Variants in PYGM observed in about 807,000 individuals in gnomAD.
PYGM encodes the protein glycogen phosphorylase, muscle associated.
PYGM carries 81 observed loss-of-function variants against 99.3 expected under a neutral mutation model. The observed-to-expected ratio is 0.82, with a 90% CI of 0.68 to 0.98. The LOEUF (loss-of-function observed/expected upper bound fraction) is 0.98. Ranked by LOEUF, PYGM falls within the 50% of genes least tolerant of loss-of-function variation. The pLI is 0.00. For missense variants in PYGM, 1,030 were observed against 1,158.1 expected, an observed-to-expected ratio of 0.89 and a Z score of 1.61; for synonymous variants, 436 against 451.5, an observed-to-expected ratio of 0.97 and a Z score of 0.44.
In PYGM at chr11:64,759,843, A is replaced by G. The variant is rs1196742852; in HGVS notation, c.56T>C (p.Leu19Pro). Residue 19 changes from leucine (L) to proline (P), a missense_variant, in exon 1 of 20, where the codon CTG becomes CCG. Coordinates refer to ENST00000164139, the MANE Select transcript of PYGM (RefSeq NM_005609.4). ...CTCAGTCACGTTCTCCACGCCGGCC[A>G]GGCCACGCACACTGATTTGCTTTCT... ...EKRKQISVRG[L>P]AGVENVTELK... 6.2e-7 allele frequency: 1 copy of G among 1,614,204 alleles called. No homozygotes were observed. Among genetic ancestry groups the G allele is most frequent in the Admixed American group, 1.7e-5 (1 of 60,028 alleles).
At position 64,754,839 on chromosome 11, in the gene PYGM, G is replaced by A. The variant is rs752603909; in HGVS notation, c.856-3C>T. On this transcript the variant is annotated splice_polypyrimidine_tract_variant and splice_region_variant and intron_variant, in intron 7 of 19. Coordinates refer to ENST00000164139, the MANE Select transcript of PYGM (RefSeq NM_005609.4). The surrounding 1 kb of genome is among the most constrained non-coding windows in gnomAD (Gnocchi z 5.5). ...CGCAGCTCCTTCCCTTCGAAGAACTGGGGACAGCATGAGGCAGCGTGAGTC... is the reference window on the plus strand; with the variant it reads ...CGCAGCTCCTTCCCTTCGAAGAACTAGGGACAGCATGAGGCAGCGTGAGTC... 1 of 1,613,662 alleles carries A rather than the reference G, an allele frequency of 6.2e-7. No homozygotes were observed. Among genetic ancestry groups the A allele is most frequent in the Non-Finnish European group, 8.5e-7 (1 of 1,179,966 alleles).
intron 19 of PYGM, 28 bp from the exon 20 acceptor site, chr11:64,746,836 ACT>A: frequency 3.1e-6 from 5 of 1,614,004 alleles, no homozygotes; most frequent in Non-Finnish European, 4.2e-6. Flanking sequence ...GCTCTGGTTC[ACT>A]CTGCTGGCAG....
intron 11 of PYGM, 23 bp downstream of exon 11, chr11:64,753,496 G>T: frequency 1.3e-6 from 2 of 1,567,558 alleles, no homozygotes; most frequent in South Asian, 2.3e-5. Context: ...AGAGAGGGGC[G>T]GGATCTGGAA....
chr11:64,758,384 C>A (rs770047839), intron 3 of PYGM, 35 bp from the exon 4 acceptor site: 1 of 1,613,120 alleles, frequency 6.2e-7, no homozygotes, highest in Non-Finnish European at 8.5e-7. Flanking sequence ...GTCAGGGACC[C>A]AGCAAGGAGG....
At chr11:64,749,921 C>T (rs1002986961) in intron 17 of PYGM, among the ~76,000 whole-genome samples, 4 of 151,402 alleles carry the variant, frequency 2.6e-5, no homozygotes, top group East Asian at 2.0e-4. Context: ...GCCTCCCGAT[C>T]AGCTGGGACT....
chr11:64,758,992 A>G (rs1831441711), intron 1 of PYGM, among the ~76,000 whole-genome samples: 1 of 1,664 alleles, frequency 6.0e-4, no homozygotes, highest in African/African-American at 1.2e-3. Flanking sequence ...GAGAATGGGC[A>G]CCCCTTCCCC....
At position 64,746,527 on chromosome 11, in the gene PYGM, G is replaced by T; in HGVS notation, c.*132C>A. The T allele has an allele frequency of 7.8e-7, 1 of 1,281,440 alleles. No individual in the cohort carries two copies. Among genetic ancestry groups the T allele is most frequent in the Non-Finnish European group, 1.1e-6 (1 of 901,800 alleles). The allele number at this position is 1,281,440 out of a possible 1,614,324, so 79.4% of individuals were successfully genotyped here. On this transcript the variant is annotated 3_prime_UTR_variant, in exon 20 of 20. Coordinates refer to ENST00000164139, the MANE Select transcript of PYGM (RefSeq NM_005609.4). ...CACGCTGGACACTGGGACATTGAGA[G>T]TGGGGAAAATGAGGGTTCCAGGAGG...
At chr11:64,752,880 C>T (rs887004691) in intron 12 of PYGM, among the ~76,000 whole-genome samples, 193 bp downstream of exon 12, 6 of 152,194 alleles carry the variant, frequency 3.9e-5, no homozygotes, top group African/African-American at 9.7e-5. Context: ...CCTCCATTAG[C>T]ACACAGAGCA....
At chr11:64,750,704 C>A in intron 16 of PYGM, 121 bp from the exon 17 acceptor site, 1 of 857,182 alleles carries the variant, frequency 1.2e-6, no homozygotes, top group Non-Finnish European at 1.8e-6. Flanking sequence ...CCCAAACTCC[C>A]AGTCTTCACC....
At position 64,755,616 on chromosome 11, in the gene PYGM, C is replaced by T. The variant is rs2058389720; in HGVS notation, c.661-58G>A. On this transcript the variant is annotated intron_variant, in intron 5 of 19. Transcript: ENST00000164139. This position sits in a 1 kb window ranked among gnomAD's most constrained non-coding sequence, Gnocchi z 4.1. ...GCCCTGGCAATTGCCTCCCTCCCCT[C>T]AGGGCTGGGACTCAAGGCTTTATCC... 1.5e-6 allele frequency: 2 copies of T among 1,358,154 alleles called. No individual in the cohort carries two copies. Among genetic ancestry groups the T allele is most frequent in the Non-Finnish European group, 2.1e-6 (2 of 955,208 alleles). The allele number at this position is 1,358,154 out of a possible 1,614,324, so 84.1% of individuals were successfully genotyped here. A position where few individuals can be genotyped will look rare whatever the true frequency, so the allele number is the denominator to read the frequency against.
chr11:64,751,392 G>A lies in PYGM; in HGVS notation c.1902C>T (p.Asp634=), dbSNP rs776043985. Residue 634 remains aspartate, a synonymous_variant, in exon 16 of 20, where the codon GAC becomes GAT. Coordinates refer to ENST00000164139, the MANE Select transcript of PYGM (RefSeq NM_005609.4). The part of the protein sequence containing the change: ...VTAIGDVVNH[D]PAVGDRLRVI... ...CACGGAGGCGGTCACCCACTGCCGGGTCATGGTTGACCACATCCCCGATGG... is the reference window on the plus strand; with the variant it reads ...CACGGAGGCGGTCACCCACTGCCGGATCATGGTTGACCACATCCCCGATGG... The A allele has an allele frequency of 1.9e-6, 3 of 1,614,160 alleles. No homozygotes were observed. Among genetic ancestry groups the A allele is most frequent in the Non-Finnish European group, 1.7e-6 (2 of 1,180,032 alleles).
At chr11:64,751,031 A>C in intron 16 of PYGM, 1 of 424,410 alleles carries the variant, frequency 2.4e-6, no homozygotes, top group Non-Finnish European at 4.4e-6. Flanking sequence ...AGCTGGGATT[A>C]TAGGCACCTG....
At position 64,755,197 on chromosome 11, in the gene PYGM, T is replaced by G. The variant is rs1189739826; in HGVS notation, c.855+76A>C. ...TGGGTGTGACTAGGGCACCAGCAAG[T>G]GTCCTTCCCCAGCTCTCCCTGACCC... On this transcript the variant is annotated intron_variant, in intron 7 of 19. Coordinates refer to ENST00000164139, the MANE Select transcript of PYGM (RefSeq NM_005609.4). This position sits in a 1 kb window ranked among gnomAD's most constrained non-coding sequence, Gnocchi z 4.1. The G allele has an allele frequency of 2.2e-5, 33 of 1,489,862 alleles. No individual in the cohort carries two copies. The highest frequency in any genetic ancestry group is 3.9e-4 in the Middle Eastern group (2 of 5,156). The allele number at this position is 1,489,862 out of a possible 1,614,324, so 92.3% of individuals were successfully genotyped here. A position where few individuals can be genotyped will look rare whatever the true frequency, so the allele number is the denominator to read the frequency against.
chr11:64,755,631 A>G lies in PYGM; in HGVS notation c.661-73T>C. 8.3e-7 allele frequency: 1 copy of G among 1,197,610 alleles called. No individual in the cohort carries two copies. Among genetic ancestry groups the G allele is most frequent in the East Asian group, 2.4e-5 (1 of 40,936 alleles). 74.2% of individuals were successfully genotyped at this position (1,197,610 alleles called of 1,614,324 possible). ...TCCCTCCCCTCAGGGCTGGGACTCA[A>G]GGCTTTATCCCTGCACTCTGCAGAC... On this transcript the variant is annotated intron_variant, in intron 5 of 19. Coordinates refer to ENST00000164139, the MANE Select transcript of PYGM (RefSeq NM_005609.4). The surrounding 1 kb of genome is among the most constrained non-coding windows in gnomAD (Gnocchi z 4.1).
Position 64,753,637 on chromosome 11 carries a change from T to G in PYGM, c.1285A>C (p.Met429Leu). 1 of 1,608,944 alleles carries G rather than the reference T, an allele frequency of 6.2e-7. No homozygotes were observed. The highest frequency in any genetic ancestry group is 1.1e-5 in the South Asian group (1 of 90,696). The change falls in exon 11 of 20, where the codon ATG becomes CTG. Residue 429 changes from methionine to leucine, a missense_variant. Met to Leu is a conservative substitution (Grantham distance 15). Coordinates refer to ENST00000164139, the MANE Select transcript of PYGM (RefSeq NM_005609.4). ...ACTGCGCCCTCCTCCACCAGCGACA[T>G]GCGCCGCAGCCGGTCTACGTCCCCT... The part of the protein sequence containing the change: ...FPGDVDRLRR[M>L]SLVEEGAVKR...
Position 64,746,782 on chromosome 11 carries a change from C to G in PYGM, c.2406G>C (p.Val802=), listed in dbSNP as rs1166335998. The change falls in exon 20 of 20, where the codon GTG becomes GTC. Residue 802 remains valine (V), a synonymous_variant. Transcript: ENST00000164139. ...TGCCAGAGGTGGCTATGTTCCGGATCACCATCCGCGTCCACTCTCTTGGGT... is the reference window on the plus strand; with the variant it reads ...TGCCAGAGGTGGCTATGTTCCGGATGACCATCCGCGTCCACTCTCTTGGGT... ...YKNPREWTRM[V]IRNIATSGKF... 11 of 1,614,058 alleles carry G rather than the reference C, an allele frequency of 6.8e-6. No homozygotes were observed. The highest frequency in any genetic ancestry group is 1.3e-5 in the African/African-American group (1 of 74,920).
Position 64,752,042 on chromosome 11 carries a change from T to C in PYGM, c.1650A>G (p.Leu550=). 6.2e-7 allele frequency: 1 copy of C among 1,614,092 alleles called. No individual in the cohort carries two copies. ...QENKLKFAAY[L]EREYKVHINP... is the part of the protein sequence containing the mutation. ...TGATGTGGACTTTGTATTCCCTCTC[T>C]AGGTAGGCAGCAAACTTCAACTTGT... is the stretch of plus-strand genomic sequence containing the variant. Residue 550 remains leucine (L), a synonymous_variant, in exon 14 of 20, where the codon CTA becomes CTG. Transcript: ENST00000164139.
At position 64,758,805 on chromosome 11, in the gene PYGM, C is replaced by T. The variant is rs1328209794; in HGVS notation, c.244-101G>A. 6.8e-6 allele frequency: 7 copies of T among 1,027,018 alleles called. No homozygotes were observed. In the East Asian group the frequency reaches 1.2e-4, roughly 18 times the overall value. The allele number at this position is 1,027,018 out of a possible 1,614,324, so 63.6% of individuals were successfully genotyped here. A position where few individuals can be genotyped will look rare whatever the true frequency, so the allele number is the denominator to read the frequency against. On this transcript the variant is annotated intron_variant, in intron 1 of 19. Transcript: ENST00000164139. The stretch of plus-strand genomic sequence containing the variant: ...GGACCTCTGGCCCGCCTGCCCTGCT[C>T]AGCAGTCCCATCCCTGTCCCCAATT...
intron 12 of PYGM, 48 bp downstream of exon 12, chr11:64,753,025 C>T: frequency 6.7e-7 from 1 of 1,495,874 alleles, no homozygotes; most frequent in Non-Finnish European, 9.3e-7. Context: ...CCAGCTGATC[C>T]CTGCAGGGAC....
Sources: gnomAD v4.1 joint callset for allele counts (sites outside exome capture counted in the v4.1 genomes callset) on GRCh38, gnomAD v4.1.1 for gene constraint, Gnocchi (gnomAD v3.1) non-coding constraint, MANE v1.5 for transcripts, NCBI Gene and HGNC (gene_info 2026-07-23, HGNC 2026-07-21) for gene names.